Variants in ADCY9 observed in about 807,000 individuals in gnomAD.
ADCY9 encodes the protein adenylate cyclase 9.
Under a neutral mutation model 101.5 loss-of-function variants are expected in ADCY9, and 50 were observed. That is an observed-to-expected ratio of 0.49 (90% CI 0.39 to 0.62). The LOEUF (loss-of-function observed/expected upper bound fraction) is 0.62, where lower values mean the gene tolerates loss of function less well. ADCY9 is among the 20% of genes least tolerant of loss of function. ADCY9 has a pLI of 0.00. For missense variants in ADCY9, 1,662 were observed against 1,800.4 expected (o/e 0.92, Z 1.39); for synonymous variants, 905 against 769.3 (o/e 1.18, Z -2.92).
At chr16:3,956,842 C>A (rs72760884) in intron 5 of ADCY9, among the ~76,000 whole-genome samples, 324 of 152,082 alleles carry the variant, frequency 2.1e-3, no homozygotes, top group Non-Finnish European at 3.7e-3. Context: ...CAAACCTTGC[C>A]TCTCCCCTAT....
intron 2 of ADCY9, among the ~76,000 whole-genome samples, chr16:4,021,744 G>A (rs143740973): frequency 6.6e-6 from 1 of 152,166 alleles, no homozygotes; most frequent in African/African-American, 2.4e-5. Flanking sequence ...TCCATTCTGG[G>A]TTTTTACTGC....
chr16:3,972,066 G>A (rs74003481), intron 10 of ADCY9, among the ~76,000 whole-genome samples: 1,693 of 152,254 alleles, frequency 0.011, 24 homozygotes, highest in African/African-American at 0.039. Flanking sequence ...CAGAAACCAA[G>A]GGGGCTGCCT....
chr16:4,091,429 C>A (rs927097283), intron 2 of ADCY9, among the ~76,000 whole-genome samples: 7 of 152,138 alleles, frequency 4.6e-5, no homozygotes, highest in Admixed American at 1.3e-4. Flanking sequence ...ACAGAGTTAC[C>A]GCGTGACCCA....
At chr16:4,030,304 G>A (rs747505813) in intron 2 of ADCY9, among the ~76,000 whole-genome samples, 4 of 152,076 alleles carry the variant, frequency 2.6e-5, no homozygotes, top group African/African-American at 7.2e-5. Flanking sequence ...TGATATGACC[G>A]AGAAGGCACA....
intron 2 of ADCY9, among the ~76,000 whole-genome samples, chr16:4,023,900 ACT>A (rs1240399701): frequency 6.6e-6 from 1 of 151,844 alleles, no homozygotes; most frequent in Admixed American, 6.6e-5. Flanking sequence ...ACGGTAGGAG[ACT>A]CTGTCTCAAA....
chr16:4,097,242 C>T (rs1289322556), intron 2 of ADCY9, among the ~76,000 whole-genome samples: 1 of 151,828 alleles, frequency 6.6e-6, no homozygotes, highest in East Asian at 1.9e-4. Context: ...CGCCCCTGGG[C>T]CCATTCACAT....
chr16:4,043,331 G>T (rs768188357), intron 2 of ADCY9, among the ~76,000 whole-genome samples: 19 of 152,030 alleles, frequency 1.2e-4, no homozygotes, highest in Non-Finnish European at 2.2e-4. Flanking sequence ...ACAAGACAGA[G>T]GAATACACCA....
intron 2 of ADCY9, among the ~76,000 whole-genome samples, chr16:4,024,335 T>A (rs1306352367): frequency 2.0e-5 from 3 of 152,186 alleles, no homozygotes; most frequent in African/African-American, 7.2e-5. Context: ...TTTTAAAACT[T>A]TTTAATTCAA....
chr16:4,001,451 G>A (rs1253108018), intron 3 of ADCY9, among the ~76,000 whole-genome samples: 1 of 152,200 alleles, frequency 6.6e-6, no homozygotes, highest in Non-Finnish European at 1.5e-5. Context: ...CCACACTAGG[G>A]TACCGGATGG....
intron 9 of ADCY9, among the ~76,000 whole-genome samples, chr16:3,975,851 C>T (rs112457925): frequency 1.8e-3 from 279 of 152,194 alleles, no homozygotes; most frequent in African/African-American, 6.4e-3. Context: ...TAAGATATCA[C>T]GAAATATTTG....
chr16:3,974,599 G>T lies in ADCY9; in HGVS notation c.2870+70C>A. On this transcript the variant is annotated intron_variant, in intron 10 of 10. Coordinates refer to ENST00000294016, the MANE Select transcript of ADCY9 (RefSeq NM_001116.4). ...TTCAAGATCCCATTGTTTTCAGGAA[G>T]CTTCGAAATGGGCAGGGTAATACAG... The T allele has an allele frequency of 5.4e-6, 7 of 1,286,472 alleles. No homozygotes were observed. In the South Asian group the frequency reaches 8.9e-5, roughly 16 times the overall value. The allele number at this position is 1,286,472 out of a possible 1,614,324, so 79.7% of individuals were successfully genotyped here.
intron 2 of ADCY9, among the ~76,000 whole-genome samples, chr16:4,091,783 C>T (rs922950531): frequency 4.6e-5 from 7 of 152,176 alleles, no homozygotes; most frequent in Non-Finnish European, 1.5e-5. Flanking sequence ...AAGTGCAGCA[C>T]AGCGGCTGCC....
In ADCY9 at chr16:4,114,907, A is replaced by T. The variant is rs1313846833; in HGVS notation, c.536T>A (p.Leu179His). The T allele has an allele frequency of 6.2e-7, 1 of 1,613,754 alleles. No homozygotes were observed. Among genetic ancestry groups the T allele is most frequent in the African/African-American group, 1.3e-5 (1 of 74,944 alleles). Residue 179 changes from leucine to histidine, a missense_variant, in exon 2 of 11, where the codon CTC becomes CAC. By Grantham distance (99) the Leu-to-His change is moderately conservative. Around this residue, in one of 5 missense-constraint regions of ADCY9, gnomAD observed 422 missense variants for 392.0 expected, o/e 1.08. Coordinates refer to ENST00000294016, the MANE Select transcript of ADCY9 (RefSeq NM_001116.4). The surrounding 1 kb of genome is among the most constrained non-coding windows in gnomAD (Gnocchi z 4.3). ...ARHYAWTSLA[L>H]TLLVFALTLA... is the part of the protein sequence containing the mutation. Reference sequence around the variant, plus strand: ...GGTCAGGGCGAACACCAGCAGGGTGAGAGCCAGCGAGGTCCACGCGTAATG... The same window carrying T: ...GGTCAGGGCGAACACCAGCAGGGTGTGAGCCAGCGAGGTCCACGCGTAATG...
chr16:3,988,729 G>A (rs1305222805), intron 6 of ADCY9, among the ~76,000 whole-genome samples: 1 of 152,164 alleles, frequency 6.6e-6, no homozygotes, highest in East Asian at 1.9e-4. Flanking sequence ...CAAGGCTGGG[G>A]ATAGCCTGGA....
chr16:4,039,679 CAAAAAA>C (rs35158886), intron 2 of ADCY9, among the ~76,000 whole-genome samples: 2 of 64,650 alleles, frequency 3.1e-5, no homozygotes, highest in Non-Finnish European at 6.5e-5. Flanking sequence ...AACTCTGTCT[CAAAAAA>C]AAAAAAAAAA....
intron 2 of ADCY9, 33 bp from the exon 3 acceptor site, chr16:4,007,591 T>C (rs767899619): frequency 1.0e-5 from 16 of 1,555,254 alleles, no homozygotes; most frequent in African/African-American, 4.1e-5. Flanking sequence ...TCAGCACAGA[T>C]TGAAAGCACC....
At chr16:4,040,823 C>T (rs1040581729) in intron 2 of ADCY9, among the ~76,000 whole-genome samples, 2 of 152,154 alleles carry the variant, frequency 1.3e-5, no homozygotes, top group Non-Finnish European at 2.9e-5. Flanking sequence ...CTACACGAGT[C>T]TTTTCACCTA....
intron 6 of ADCY9, among the ~76,000 whole-genome samples, chr16:3,987,632 G>A (rs575256861): frequency 1.3e-5 from 2 of 152,192 alleles, no homozygotes; most frequent in African/African-American, 4.8e-5. Flanking sequence ...GGACATTAAC[G>A]GATATTCACT....
chr16:4,112,524 T>C (rs745422788), intron 2 of ADCY9, among the ~76,000 whole-genome samples: 2 of 152,250 alleles, frequency 1.3e-5, no homozygotes, highest in Non-Finnish European at 2.9e-5. Context: ...ATGCAGGCCC[T>C]ACCTCAACCA....
Sources: allele counts gnomAD v4.1 joint callset (sites outside exome capture counted in the v4.1 genomes callset), GRCh38; gene constraint gnomAD v4.1.1; regional missense constraint gnomAD v4.1.1; non-coding constraint Gnocchi (gnomAD v3.1); transcripts MANE v1.5; gene names NCBI Gene and HGNC (gene_info 2026-07-23, HGNC 2026-07-21).